Variants in PRKG1 observed in about 807,000 individuals in gnomAD.
The protein encoded by PRKG1 is cGMP-dependent protein kinase 1.
PRKG1 carries 35 observed loss-of-function variants against 88.1 expected under a neutral mutation model. The ratio of observed to expected loss-of-function variants is 0.40; its 90% CI spans 0.30 to 0.53. The LOEUF is 0.53. Among genes scored for constraint, PRKG1 ranks in the 20% least tolerant of loss-of-function variants. The pLI, the probability that PRKG1 is intolerant of heterozygous loss-of-function variation, is 0.59. For missense variants in PRKG1, 540 were observed against 839.8 expected (o/e 0.64, Z 4.41); for synonymous variants, 303 against 292.5 (o/e 1.04, Z -0.37).
intron 2 of PRKG1, among the ~76,000 whole-genome samples, chr10:51,167,738 G>T (rs1231120936): frequency 2.6e-5 from 4 of 152,110 alleles, no homozygotes; most frequent in Non-Finnish European, 5.9e-5. Context: ...GGAATGACTT[G>T]TATGTTTTTA....
At chr10:51,507,111 T>G (rs1232606178) in intron 3 of PRKG1, among the ~76,000 whole-genome samples, 1 of 130,720 alleles carries the variant, frequency 7.6e-6, no homozygotes. Flanking sequence ...TGAGAACACA[T>G]GAAGACAGGA....
chr10:51,292,992 T>A (rs1296166184), intron 2 of PRKG1, among the ~76,000 whole-genome samples: 1 of 152,122 alleles, frequency 6.6e-6, no homozygotes, highest in Non-Finnish European at 1.5e-5. Context: ...ACAGACCCAA[T>A]CTCTGCCCTC....
intron 2 of PRKG1, among the ~76,000 whole-genome samples, chr10:51,311,028 A>G (rs1298729296): frequency 1.0e-5 from 1 of 99,576 alleles, no homozygotes; most frequent in Non-Finnish European, 2.3e-5. Flanking sequence ...GAAGAAGCAG[A>G]GTATGCATCT....
chr10:51,794,054 G>A (rs557799053), intron 3 of PRKG1, among the ~76,000 whole-genome samples: 10 of 152,160 alleles, frequency 6.6e-5, no homozygotes, highest in African/African-American at 1.4e-4. Flanking sequence ...ATGAGCCACC[G>A]TGCCTGGCCA....
chr10:51,238,971 C>G (rs1324421559), intron 2 of PRKG1, among the ~76,000 whole-genome samples: 2 of 150,644 alleles, frequency 1.3e-5, no homozygotes, highest in South Asian at 4.2e-4. Context: ...GTAAAGTCAA[C>G]AGGAATATAG....
intron 1 of PRKG1, among the ~76,000 whole-genome samples, chr10:51,016,277 C>T (rs932417963): frequency 6.6e-6 from 1 of 152,276 alleles, no homozygotes; most frequent in South Asian, 2.1e-4. Context: ...AATTACTCTG[C>T]CAGCTCTGTG....
intron 2 of PRKG1, among the ~76,000 whole-genome samples, chr10:51,156,288 T>C (rs1211049946): frequency 1.7e-5 from 1 of 57,628 alleles, no homozygotes; most frequent in African/African-American, 7.5e-5. Flanking sequence ...ACGAAGTTAT[T>C]TGATGCAAGC....
intron 2 of PRKG1, among the ~76,000 whole-genome samples, chr10:51,397,521 G>A (rs1267919978): frequency 6.6e-6 from 1 of 152,132 alleles, no homozygotes; most frequent in African/African-American, 2.4e-5. Context: ...TTGACTTGCT[G>A]TGGTTTAGAG....
intron 2 of PRKG1, among the ~76,000 whole-genome samples, chr10:51,450,676 G>A (rs1009240389): frequency 6.6e-6 from 1 of 151,876 alleles, no homozygotes; most frequent in African/African-American, 2.4e-5. Context: ...ATAAACAGTT[G>A]CAGCTATAAA....
At chr10:51,954,545 A>G (rs1004573581) in intron 5 of PRKG1, among the ~76,000 whole-genome samples, 18 of 152,336 alleles carry the variant, frequency 1.2e-4, no homozygotes, top group Non-Finnish European at 2.2e-4. Flanking sequence ...CACACTTGAA[A>G]TGCTTTGTAT....
chr10:51,108,521 A>G (rs1408045247), intron 1 of PRKG1, among the ~76,000 whole-genome samples: 1 of 152,192 alleles, frequency 6.6e-6, no homozygotes, highest in Non-Finnish European at 1.5e-5. Context: ...AAAACAAATC[A>G]AAAACACTAT....
chr10:51,687,249 T>C (rs568751127), intron 3 of PRKG1, among the ~76,000 whole-genome samples: 17 of 152,346 alleles, frequency 1.1e-4, no homozygotes, highest in Admixed American at 5.2e-4. Flanking sequence ...AAAGCACAAA[T>C]TGCAGTATAG....
intron 9 of PRKG1, among the ~76,000 whole-genome samples, chr10:52,242,904 A>G (rs930487340): frequency 3.6e-5 from 4 of 112,552 alleles, no homozygotes; most frequent in Non-Finnish European, 7.1e-5. Context: ...TCAAAAAAAA[A>G]GAAGGAGAAG....
At chr10:52,037,393 C>G (rs1845644747) in intron 5 of PRKG1, among the ~76,000 whole-genome samples, 3 of 152,150 alleles carry the variant, frequency 2.0e-5, no homozygotes, top group Admixed American at 2.0e-4. Context: ...TAATTAAATC[C>G]TGTTGTGGGG....
At chr10:51,511,530 T>C (rs576075434) in intron 3 of PRKG1, among the ~76,000 whole-genome samples, 1 of 152,276 alleles carries the variant, frequency 6.6e-6, no homozygotes, top group African/African-American at 2.4e-5. Flanking sequence ...AACAATAAAC[T>C]TGAGTAAATA....
At chr10:52,169,859 T>A (rs532074784) in intron 9 of PRKG1, among the ~76,000 whole-genome samples, 1 of 152,318 alleles carries the variant, frequency 6.6e-6, no homozygotes, top group South Asian at 2.1e-4. Context: ...ATGTTAAATC[T>A]AGTAGAGAAG....
intron 2 of PRKG1, among the ~76,000 whole-genome samples, chr10:51,321,037 A>G (rs1841440967): frequency 6.6e-6 from 1 of 151,730 alleles, no homozygotes; most frequent in Non-Finnish European, 1.5e-5. Flanking sequence ...GCAAGGAGAT[A>G]TCCTTGTACC....
intron 9 of PRKG1, among the ~76,000 whole-genome samples, chr10:52,247,663 C>G (rs1841060541): frequency 6.6e-6 from 1 of 152,062 alleles, no homozygotes; most frequent in African/African-American, 2.4e-5. Context: ...CTAAAACATC[C>G]ACAGTTTAGC....
chr10:51,703,084 A>G (rs1841509105), intron 3 of PRKG1, among the ~76,000 whole-genome samples: 2 of 152,226 alleles, frequency 1.3e-5, no homozygotes, highest in African/African-American at 4.8e-5. Flanking sequence ...ACTGAAAAGT[A>G]TACTTTATTT....
Sources: allele counts gnomAD v4.1 joint callset (sites outside exome capture counted in the v4.1 genomes callset), GRCh38; gene constraint gnomAD v4.1.1; transcripts MANE v1.5; gene names NCBI Gene and HGNC (gene_info 2026-07-23, HGNC 2026-07-21).